Variants in SLC28A1 observed in about 807,000 individuals in gnomAD.
SLC28A1 encodes the protein solute carrier family 28 member 1.
A neutral mutation model predicts 74.8 loss-of-function variants in SLC28A1; 64 were observed. That is an observed-to-expected ratio of 0.86 (90% CI 0.70 to 1.05). SLC28A1 has a LOEUF of 1.05. SLC28A1 is among the 50% of genes least tolerant of loss of function. The pLI is 0.00. For missense variants in SLC28A1, 828 were observed against 822.8 expected (o/e 1.01, Z -0.08); for synonymous variants, 359 against 335.0 (o/e 1.07, Z -0.78).
At chr15:84,931,490 C>CA (rs71135334) in intron 12 of SLC28A1, among the ~76,000 whole-genome samples, 2,317 of 139,888 alleles carry the variant, frequency 0.017, 31 homozygotes, top group South Asian at 0.032. Context: ...ACTGAAAATA[C>CA]AAAAAAAAAA....
intron 5 of SLC28A1, among the ~76,000 whole-genome samples, chr15:84,894,311 G>T (rs1269471619): frequency 6.7e-6 from 1 of 150,020 alleles, no homozygotes; most frequent in Admixed American, 6.7e-5. Flanking sequence ...GGCAGAGTTT[G>T]CAGTCAGCCG....
At chr15:84,925,067 GTTTTTTTTTTT>G (rs964017770) in intron 12 of SLC28A1, among the ~76,000 whole-genome samples, 1,030 of 84,164 alleles carry the variant, frequency 0.012, 16 homozygotes, top group African/African-American at 0.044. Context: ...CGCCCAGCTA[GTTTTTTTTTTT>G]TTTTTTTTTT....
chr15:84,968,627 A>G, the SLC28A1 span, among the ~76,000 whole-genome samples: 1 of 152,198 alleles, frequency 6.6e-6, no homozygotes, highest in Non-Finnish European at 1.5e-5. Context: ...ACTTTCTAAC[A>G]TGGGAGGCAA....
chr15:84,885,803 G>A (rs898784100), intron 1 of SLC28A1, among the ~76,000 whole-genome samples: 3 of 151,346 alleles, frequency 2.0e-5, no homozygotes, highest in Admixed American at 6.6e-5. Flanking sequence ...CTCAGATTCC[G>A]GGGACTTTAA....
chr15:84,943,208 A>C (rs1972908288), intron 15 of SLC28A1, among the ~76,000 whole-genome samples: 1 of 152,100 alleles, frequency 6.6e-6, no homozygotes, highest in Non-Finnish European at 1.5e-5. Context: ...AAAACAAAAA[A>C]AGAAACAAAA....
rs547795543 is a variant in SLC28A1, at chr15:84,943,937, A to G, written c.1663+411A>G. Among the ~76,000 whole-genome samples the G allele has an allele frequency of 2.6e-4, 40 of 152,172 alleles. 1 individual carries two copies. The highest frequency in any genetic ancestry group is 2.5e-3 in the South Asian group (12 of 4,828). On this transcript the variant is annotated intron_variant, in intron 16 of 18. Transcript: ENST00000394573. ...AAAAAGAAAAAAGAAAAAGATGTTCATAGAGTTTCCTCCTAGCCCTAGAAT... is the reference window on the plus strand; with the variant it reads ...AAAAAGAAAAAAGAAAAAGATGTTCGTAGAGTTTCCTCCTAGCCCTAGAAT...
At chr15:84,952,385 A>G in the SLC28A1 span, among the ~76,000 whole-genome samples, 1 of 152,190 alleles carries the variant, frequency 6.6e-6, no homozygotes, top group African/African-American at 2.4e-5. Flanking sequence ...ACTGCCAACC[A>G]GATGGACACA....
intron 15 of SLC28A1, among the ~76,000 whole-genome samples, chr15:84,935,944 GGTTTTTGTTT>G (rs1375466534): frequency 3.3e-5 from 3 of 90,110 alleles, no homozygotes; most frequent in African/African-American, 8.2e-5. Flanking sequence ...GTTTTGGTTT[GGTTTTTGTTT>G]TTTTTTTTTT....
the SLC28A1 span, among the ~76,000 whole-genome samples, chr15:84,969,170 T>C: frequency 6.6e-6 from 1 of 152,244 alleles, no homozygotes; most frequent in Non-Finnish European, 1.5e-5. Context: ...GACAGAATCC[T>C]TCTCCTTTCT....
At position 84,944,758 on chromosome 15, in the gene SLC28A1, A is replaced by T. The variant is rs1190586453; in HGVS notation, c.1765A>T (p.Ile589Phe). 2 of 1,612,986 alleles carry T rather than the reference A, an allele frequency of 1.2e-6. No individual in the cohort carries two copies. The highest frequency in any genetic ancestry group is 1.7e-5 in the Admixed American group (1 of 60,002). ...CACCCACCACTTTCCCTCTACAGGG[A>T]TCCTCTACATGCCCAGGGGGGCTGA... ...VSLVNACMAG[I>F]LYMPRGAEVD... Residue 589 changes from isoleucine to phenylalanine, a missense_variant and splice_region_variant, in exon 18 of 19, where the codon ATC becomes TTC. Around this residue, in one of 3 missense-constraint regions of SLC28A1, gnomAD observed 767 missense variants for 753.5 expected, o/e 1.02. Transcript: ENST00000394573.
At chr15:84,884,819 C>G (rs953598211) in intron 1 of SLC28A1, 68 bp downstream of exon 1, 2 of 817,942 alleles carry the variant, frequency 2.4e-6, no homozygotes, top group Non-Finnish European at 3.0e-6. Flanking sequence ...GGGGGTAGCA[C>G]AGGGCAAAGT....
chr15:84,890,417 A>G lies in SLC28A1; in HGVS notation c.186-26A>G, dbSNP rs182141691. ...CCAGATGGGGTCTGCTCATGCACTC[A>G]TGGACCCTGCTGGTCTTGTTCCCAG... On this transcript the variant is annotated intron_variant, in intron 4 of 18. Transcript: ENST00000394573. The G allele has an allele frequency of 1.6e-4, 248 of 1,571,304 alleles. 2 individuals carry two copies. In the East Asian group the frequency reaches 3.9e-3, roughly 24 times the overall value.
chr15:84,972,781 A>T, the SLC28A1 span, among the ~76,000 whole-genome samples: 15 of 152,390 alleles, frequency 9.8e-5, no homozygotes, highest in South Asian at 1.9e-3. Flanking sequence ...AAAATGTGAA[A>T]TAACAAATGC....
In SLC28A1 at chr15:84,904,142, T is replaced by G. The variant is rs761814016; in HGVS notation, c.507T>G (p.Ser169=). 2 of 1,614,200 alleles carry G rather than the reference T, an allele frequency of 1.2e-6. No individual in the cohort carries two copies. The highest frequency in any genetic ancestry group is 2.2e-5 in the South Asian group (2 of 91,066). The change falls in exon 7 of 19, where the codon TCT becomes TCG. Residue 169 remains serine, a synonymous_variant. Coordinates refer to ENST00000394573, the MANE Select transcript of SLC28A1 (RefSeq NM_004213.5). ...AAFLGLVLWL[S]LDTSQRPEQL... is the part of the protein sequence containing the mutation. ...TCCTGGGCCTGGTCCTGTGGCTGTC[T>G]CTGGACACCTCCCAGCGGCCTGAGC... is the stretch of plus-strand genomic sequence containing the variant.
chr15:84,899,961 AAGGAAAGAAG>A (rs1966455712), intron 6 of SLC28A1, among the ~76,000 whole-genome samples: 3 of 114,804 alleles, frequency 2.6e-5, no homozygotes, highest in Non-Finnish European at 4.2e-5. Context: ...GGAAGGAAGG[AAGGAAAGAAG>A]GAAGGAAGGA....
At chr15:84,925,900 G>T (rs568530137) in intron 12 of SLC28A1, among the ~76,000 whole-genome samples, 28 of 152,006 alleles carry the variant, frequency 1.8e-4, no homozygotes, top group African/African-American at 5.8e-4. Context: ...TTTCTTCTAA[G>T]TGATATGAAA....
At chr15:84,905,967 CTG>C (rs1207302408) in intron 8 of SLC28A1, among the ~76,000 whole-genome samples, 1 of 148,904 alleles carries the variant, frequency 6.7e-6, no homozygotes. Flanking sequence ...TGATTTACTT[CTG>C]TGTGTGTGTG....
chr15:84,887,860 T>A lies in SLC28A1; in HGVS notation c.96+4T>A. Reference sequence around the variant, plus strand: ...GGCTGATTTCTTGGAAAGCCTGGTCTGTACCCTTCCCCATCAGTCATCCTG... The same window carrying A: ...GGCTGATTTCTTGGAAAGCCTGGTCAGTACCCTTCCCCATCAGTCATCCTG... On this transcript the variant is annotated splice_donor_region_variant and intron_variant, in intron 3 of 18. Transcript: ENST00000394573. The A allele has an allele frequency of 6.2e-7, 1 of 1,604,340 alleles. No homozygotes were observed. The highest frequency in any genetic ancestry group is 2.2e-5 in the East Asian group (1 of 44,832).
At chr15:84,914,534 G>A (rs924281172) in intron 9 of SLC28A1, among the ~76,000 whole-genome samples, 1 of 152,160 alleles carries the variant, frequency 6.6e-6, no homozygotes, top group Non-Finnish European at 1.5e-5. Context: ...GTGTGACCTC[G>A]GGTGGGTAGC....
Sources: allele counts gnomAD v4.1 joint callset (sites outside exome capture counted in the v4.1 genomes callset), GRCh38; gene constraint gnomAD v4.1.1; regional missense constraint gnomAD v4.1.1; transcripts MANE v1.5; gene names NCBI Gene and HGNC (gene_info 2026-07-23, HGNC 2026-07-21).